PTPRR: variants seen among roughly 807,000 people sequenced by gnomAD.
The protein encoded by PTPRR is receptor-type tyrosine-protein phosphatase R.
PTPRR carries 38 observed loss-of-function variants against 77.2 expected under a neutral mutation model. The observed-to-expected ratio is 0.49, with a 90% CI of 0.38 to 0.65. The LOEUF is 0.65. Among genes scored for constraint, PTPRR ranks in the 30% least tolerant of loss-of-function variants. PTPRR has a pLI of 0.00. For synonymous variants in PTPRR, 299 were observed against 283.1 expected (o/e 1.06, Z -0.57); for missense variants, 744 against 799.2 (o/e 0.93, Z 0.83).
chr12:70,702,936 C>T (rs1888483936), intron 6 of PTPRR, among the ~76,000 whole-genome samples: 1 of 151,792 alleles, frequency 6.6e-6, no homozygotes, highest in African/African-American at 2.4e-5. Context: ...TGTATATGTT[C>T]ATAAGTATCT....
At chr12:70,805,314 G>T (rs576964321) in intron 2 of PTPRR, among the ~76,000 whole-genome samples, 20 of 151,472 alleles carry the variant, frequency 1.3e-4, no homozygotes, top group Middle Eastern at 3.5e-3. Flanking sequence ...ATGTATATAT[G>T]TATATGTATA....
intron 2 of PTPRR, among the ~76,000 whole-genome samples, chr12:70,765,466 C>T (rs1453792806): frequency 6.6e-6 from 1 of 152,166 alleles, no homozygotes; most frequent in Admixed American, 6.5e-5. Context: ...GGAGGGGTGC[C>T]CGCCATTGCC....
intron 13 of PTPRR, among the ~76,000 whole-genome samples, chr12:70,650,614 A>G (rs1886360608): frequency 1.3e-5 from 2 of 152,038 alleles, no homozygotes; most frequent in Admixed American, 6.6e-5. Flanking sequence ...AAAGCTGGTT[A>G]AGACACCCAT....
intron 4 of PTPRR, 102 bp downstream of exon 4, chr12:70,761,369 C>T (rs1244273160): frequency 6.4e-6 from 7 of 1,099,754 alleles, no homozygotes; most frequent in Non-Finnish European, 7.5e-6. Flanking sequence ...TATCAAATAA[C>T]ATACAATAAA....
At chr12:70,775,672 C>A (rs1891071966) in intron 2 of PTPRR, among the ~76,000 whole-genome samples, 1 of 152,098 alleles carries the variant, frequency 6.6e-6, no homozygotes, top group Non-Finnish European at 1.5e-5. Flanking sequence ...CTCAAGGCTC[C>A]TTAGAGAAGT....
intron 13 of PTPRR, among the ~76,000 whole-genome samples, chr12:70,647,551 T>G (rs887177126): frequency 1.3e-5 from 2 of 152,256 alleles, no homozygotes; most frequent in African/African-American, 4.8e-5. Flanking sequence ...TACCCAAGCC[T>G]AAATGAATCT....
At chr12:70,894,682 G>A (rs1235424027) in intron 1 of PTPRR, among the ~76,000 whole-genome samples, 1 of 151,650 alleles carries the variant, frequency 6.6e-6, no homozygotes, top group Non-Finnish European at 1.5e-5. Context: ...ATTTTCCATT[G>A]ATAAAACAGT....
intron 13 of PTPRR, among the ~76,000 whole-genome samples, chr12:70,646,915 C>T (rs1372188486): frequency 6.6e-6 from 1 of 151,242 alleles, no homozygotes; most frequent in East Asian, 1.9e-4. Flanking sequence ...AAATTGATGG[C>T]ATATATATTC....
At chr12:70,855,776 G>A (rs1443925436) in intron 2 of PTPRR, among the ~76,000 whole-genome samples, 1 of 152,100 alleles carries the variant, frequency 6.6e-6, no homozygotes, top group Non-Finnish European at 1.5e-5. Context: ...TCGTTTTTAA[G>A]GCTTTTAGGC....
rs760386797 is a variant in PTPRR, at chr12:70,672,999, G to A, written c.1498-10394C>T. ...CTTCTAGGTAGAAGGGAGAAGGATA[G>A]AGCTCTCTTCAATAAATACGTCGGG... is the stretch of plus-strand genomic sequence containing the variant. On this transcript the variant is annotated intron_variant, in intron 10 of 13. Transcript: ENST00000283228. 2.5e-5 allele frequency: 31 copies of A among 1,244,976 alleles called. No homozygotes were observed. In the African/African-American group the frequency reaches 4.6e-4, roughly 19 times the overall value. 77.1% of individuals were successfully genotyped at this position (1,244,976 alleles called of 1,614,324 possible). A position where few individuals can be genotyped will look rare whatever the true frequency, so the allele number is the denominator to read the frequency against.
intron 2 of PTPRR, among the ~76,000 whole-genome samples, chr12:70,833,633 C>A (rs1181556837): frequency 6.6e-6 from 1 of 152,144 alleles, no homozygotes; most frequent in East Asian, 1.9e-4. Context: ...ACTTAAATCC[C>A]ACCATAAGCC....
intron 1 of PTPRR, among the ~76,000 whole-genome samples, chr12:70,901,041 G>A (rs1893525194): frequency 6.6e-6 from 1 of 151,434 alleles, no homozygotes; most frequent in Admixed American, 6.6e-5. Flanking sequence ...GAGCATCCCT[G>A]ATTAAAAGGC....
chr12:70,870,416 T>C (rs1424979237), intron 2 of PTPRR, among the ~76,000 whole-genome samples: 2 of 152,172 alleles, frequency 1.3e-5, no homozygotes, highest in Non-Finnish European at 2.9e-5. Flanking sequence ...GAAATTGATT[T>C]GTTATTCCCT....
chr12:70,708,811 TACAAACACACAC>T (rs1422647533), intron 6 of PTPRR, among the ~76,000 whole-genome samples: 1 of 143,172 alleles, frequency 7.0e-6, no homozygotes, highest in Non-Finnish European at 1.5e-5. Context: ...TAAATACAAA[TACAAACACACAC>T]ACACACACAC....
chr12:70,734,319 C>A (rs971472549), intron 6 of PTPRR, among the ~76,000 whole-genome samples: 1 of 152,174 alleles, frequency 6.6e-6, no homozygotes, highest in Non-Finnish European at 1.5e-5. Flanking sequence ...AATTGTACCA[C>A]GACCACCTCT....
At chr12:70,708,009 C>G (rs1888680834) in intron 6 of PTPRR, among the ~76,000 whole-genome samples, 1 of 152,084 alleles carries the variant, frequency 6.6e-6, no homozygotes, top group South Asian at 2.1e-4. Context: ...AGACAATCTA[C>G]CTGCAGTTCT....
intron 2 of PTPRR, among the ~76,000 whole-genome samples, chr12:70,766,358 G>A (rs566570984): frequency 1.3e-3 from 200 of 152,226 alleles, no homozygotes; most frequent in African/African-American, 4.6e-3. Context: ...TGAGAACTAC[G>A]TGAAGAATGC....
At chr12:70,687,035 T>A (rs1887894288) in intron 8 of PTPRR, among the ~76,000 whole-genome samples, 1 of 152,178 alleles carries the variant, frequency 6.6e-6, no homozygotes, top group Non-Finnish European at 1.5e-5. Flanking sequence ...GACTCCTATA[T>A]GTGTCAGGTA....
rs936280811 is a variant in PTPRR, at chr12:70,638,901, C to T, written c.*283G>A. 2.1e-5 allele frequency: 8 copies of T among 381,904 alleles called. No individual in the cohort carries two copies. Among genetic ancestry groups the T allele is most frequent in the African/African-American group, 1.6e-4 (8 of 48,506 alleles). 23.7% of individuals were successfully genotyped at this position (381,904 alleles called of 1,614,324 possible). ...ATACATTCTGTGTGGCAGATAGAGTCAGTACAGACAAAACAAAATCTGCCT... is the reference window on the plus strand; with the variant it reads ...ATACATTCTGTGTGGCAGATAGAGTTAGTACAGACAAAACAAAATCTGCCT... On this transcript the variant is annotated 3_prime_UTR_variant, in exon 14 of 14. Transcript: ENST00000283228.
Sources: allele counts gnomAD v4.1 joint callset (sites outside exome capture counted in the v4.1 genomes callset), GRCh38; gene constraint gnomAD v4.1.1; transcripts MANE v1.5; gene names NCBI Gene and HGNC (gene_info 2026-07-23, HGNC 2026-07-21).